The following GNG4 variants were observed in gnomAD, a reference collection of about 807,000 sequenced individuals.
The protein encoded by GNG4 is G protein subunit gamma 4.
GNG4 carries 4 observed loss-of-function variants against 5.8 expected under a neutral mutation model. That is an observed-to-expected ratio of 0.69 (90% CI 0.34 to 1.57). The LOEUF is 1.57. GNG4 is among the 40% of genes most tolerant of loss of function. The pLI, the probability that GNG4 is intolerant of heterozygous loss-of-function variation, is 0.06. For missense variants in GNG4, 96 were observed against 95.1 expected, an observed-to-expected ratio of 1.01 and a Z score of -0.04; for synonymous variants, 29 against 32.9, an observed-to-expected ratio of 0.88 and a Z score of 0.41.
At chr1:235,628,358 G>A (rs1688862349) in intron 1 of GNG4, among the ~76,000 whole-genome samples, 1 of 151,954 alleles carries the variant, frequency 6.6e-6, no homozygotes, top group Admixed American at 6.6e-5. Context: ...TGCAGGACCG[G>A]AGAGTGACCC....
At chr1:235,601,418 C>G (rs920597960) in intron 1 of GNG4, among the ~76,000 whole-genome samples, 1 of 152,086 alleles carries the variant, frequency 6.6e-6, no homozygotes, top group Non-Finnish European at 1.5e-5. Context: ...GGGAGGCGCC[C>G]GGCTCTCAGT....
chr1:235,581,115 C>G (rs757899469), intron 3 of GNG4, among the ~76,000 whole-genome samples: 5 of 152,044 alleles, frequency 3.3e-5, no homozygotes, highest in Non-Finnish European at 5.9e-5. Flanking sequence ...TGTCTCTGCC[C>G]AAATCTCACG....
chr1:235,591,556 T>C (rs958921931), intron 2 of GNG4, among the ~76,000 whole-genome samples: 4 of 152,246 alleles, frequency 2.6e-5, no homozygotes, highest in African/African-American at 9.6e-5. Flanking sequence ...TGAGACTGTC[T>C]GGATGCTATA....
At chr1:235,556,509 G>A (rs868698086) in intron 3 of GNG4, among the ~76,000 whole-genome samples, 4 of 148,628 alleles carry the variant, frequency 2.7e-5, no homozygotes, top group African/African-American at 9.9e-5. Flanking sequence ...AGTGAGCTGA[G>A]GTCGCGCCAC....
In GNG4 at chr1:235,638,356, G is replaced by A. The variant is rs79068383; in HGVS notation, c.-123+11306C>T. On this transcript the variant is annotated intron_variant, in intron 1 of 3. Coordinates refer to ENST00000391854, the MANE Select transcript of GNG4 (RefSeq NM_001098722.2). ...GTTCTGGAGTTCAAAAGTCTGAAATGGGTCTCGATGGACTAAAATCAAGGT... is the reference window on the plus strand; with the variant it reads ...GTTCTGGAGTTCAAAAGTCTGAAATAGGTCTCGATGGACTAAAATCAAGGT... Among the ~76,000 whole-genome samples the A allele has an allele frequency of 7.5e-4, 114 of 152,260 alleles. 2 individuals are homozygous for A. Among genetic ancestry groups the A allele is most frequent in the African/African-American group, 2.6e-3 (110 of 41,546 alleles).
chr1:235,625,016 G>T (rs1233102631), intron 1 of GNG4, among the ~76,000 whole-genome samples: 1 of 152,162 alleles, frequency 6.6e-6, no homozygotes, highest in Non-Finnish European at 1.5e-5. Context: ...TGAGGTGCTG[G>T]TGGATGCGGG....
chr1:235,566,004 T>A (rs1022032926), intron 3 of GNG4: 1 of 152,210 alleles, frequency 6.6e-6, no homozygotes, highest in Non-Finnish European at 1.5e-5. Flanking sequence ...GAGTGAGAAT[T>A]GAGAATCTGA....
At chr1:235,621,294 TTTC>T (rs1467766810) in intron 1 of GNG4, among the ~76,000 whole-genome samples, 28 of 136,830 alleles carry the variant, frequency 2.0e-4, no homozygotes, top group African/African-American at 7.6e-4. Flanking sequence ...TTTCTTTTCT[TTTC>T]TTTTTTTTTT....
At chr1:235,596,765 G>A (rs1444127961) in intron 1 of GNG4, among the ~76,000 whole-genome samples, 1 of 151,902 alleles carries the variant, frequency 6.6e-6, no homozygotes, top group Non-Finnish European at 1.5e-5. Flanking sequence ...TCGCTTCGTT[G>A]CCCAGGCTGG....
intron 3 of GNG4, among the ~76,000 whole-genome samples, chr1:235,578,738 G>A (rs1687545709): frequency 6.6e-6 from 1 of 152,178 alleles, no homozygotes. Context: ...TATAGAAATA[G>A]AGAGTAAAAT....
chr1:235,577,801 C>A (rs932337064), intron 3 of GNG4, among the ~76,000 whole-genome samples: 14 of 152,122 alleles, frequency 9.2e-5, no homozygotes, highest in African/African-American at 3.4e-4. Flanking sequence ...TCAGTGGATT[C>A]TAAAAACTGC....
chr1:235,562,673 G>T (rs866066746), intron 3 of GNG4, among the ~76,000 whole-genome samples: 6 of 123,020 alleles, frequency 4.9e-5, no homozygotes, highest in African/African-American at 1.7e-4. Flanking sequence ...AAAAAAAAAA[G>T]AAAAAAAAAA....
Position 235,552,018 on chromosome 1 carries a change from G to A in GNG4, c.*91C>T. 1 of 1,139,730 alleles carries A rather than the reference G, an allele frequency of 8.8e-7. No homozygotes were observed. Among genetic ancestry groups the A allele is most frequent in the East Asian group, 2.4e-5 (1 of 41,420 alleles). 70.6% of individuals were successfully genotyped at this position (1,139,730 alleles called of 1,614,324 possible). A position where few individuals can be genotyped will look rare whatever the true frequency, so the allele number is the denominator to read the frequency against. ...CACTGTTGGCTGGGCAGGGATGGGT[G>A]TTGGTCTCACTCCCTAAGGCTTAGA... On this transcript the variant is annotated 3_prime_UTR_variant, in exon 4 of 4. Coordinates refer to ENST00000391854, the MANE Select transcript of GNG4 (RefSeq NM_001098722.2).
intron 1 of GNG4, among the ~76,000 whole-genome samples, chr1:235,600,582 C>A (rs989253214): frequency 1.3e-5 from 2 of 151,880 alleles, no homozygotes; most frequent in East Asian, 3.9e-4. Context: ...TAGGACTACA[C>A]CCAGCTAATT....
chr1:235,582,049 C>A (rs1012797441), intron 3 of GNG4, among the ~76,000 whole-genome samples: 1 of 152,200 alleles, frequency 6.6e-6, no homozygotes, highest in Non-Finnish European at 1.5e-5. Flanking sequence ...TCTAACGTCT[C>A]TCTCCCTAGT....
chr1:235,556,450 C>T (rs538784348), intron 3 of GNG4, among the ~76,000 whole-genome samples: 2 of 150,222 alleles, frequency 1.3e-5, no homozygotes, highest in Admixed American at 6.7e-5. Flanking sequence ...CCCAGCTACT[C>T]GGGAGGCTGA....
At chr1:235,611,731 C>T (rs1286467671) in intron 1 of GNG4, among the ~76,000 whole-genome samples, 2 of 152,096 alleles carry the variant, frequency 1.3e-5, no homozygotes, top group African/African-American at 2.4e-5. Context: ...GTCTCAGTTT[C>T]GACTGTTAAC....
chr1:235,605,294 G>A (rs113296375), intron 1 of GNG4, among the ~76,000 whole-genome samples: 14 of 151,786 alleles, frequency 9.2e-5, no homozygotes, highest in Admixed American at 2.6e-4. Context: ...AGGTTCAAGC[G>A]ATTCTCTTGC....
intron 1 of GNG4, among the ~76,000 whole-genome samples, chr1:235,638,593 C>A (rs1446140776): frequency 6.6e-6 from 1 of 151,868 alleles, no homozygotes; most frequent in Non-Finnish European, 1.5e-5. Context: ...ACCTATCAAC[C>A]CATCATCTAG....
Sources: allele counts gnomAD v4.1 joint callset (sites outside exome capture counted in the v4.1 genomes callset), GRCh38; gene constraint gnomAD v4.1.1; transcripts MANE v1.5; gene names NCBI Gene and HGNC (gene_info 2026-07-23, HGNC 2026-07-21).